Variants in KCNC4 observed in about 807,000 individuals in gnomAD.
KCNC4 encodes potassium voltage-gated channel subfamily C member 4, also known as voltage-gated potassium channel KCNC4.
A neutral mutation model predicts 42.8 loss-of-function variants in KCNC4; 23 were observed. The observed-to-expected ratio is 0.54, with a 90% CI of 0.39 to 0.76. The LOEUF (loss-of-function observed/expected upper bound fraction) is 0.76, where lower values mean the gene tolerates loss of function less well. Among genes scored for constraint, KCNC4 ranks in the 30% least tolerant of loss-of-function variants. The pLI is 0.00. For synonymous variants in KCNC4, 422 were observed against 393.5 expected (o/e 1.07, Z -0.86); for missense variants, 751 against 898.2 (o/e 0.84, Z 2.10).
At chr1:110,253,689 T>C (rs1024566886), downstream of KCNC4, among the ~76,000 whole-genome samples, 1 of 152,176 alleles carries the variant, frequency 6.6e-6, no homozygotes, top group African/African-American at 2.4e-5. Context: ...TTGGAACATG[T>C]TCCAATCAGC....
intron 3 of KCNC4, chr1:110,232,516 C>T: frequency 7.0e-7 from 1 of 1,436,450 alleles, no homozygotes; most frequent in Non-Finnish European, 9.1e-7. Flanking sequence ...GGCTGCAGAG[C>T]TATGGTCCCT....
downstream of KCNC4, chr1:110,237,082 T>C (rs1369888654): frequency 1.3e-5 from 2 of 150,858 alleles, no homozygotes; most frequent in African/African-American, 4.9e-5. Flanking sequence ...CTGAGGAGAG[T>C]GGATTGCTTG....
chr1:110,233,060 T>C lies in KCNC4; in HGVS notation c.*88T>C. ...GGAACCCAGACAAGAATCTTTTCGC[T>C]GGGAAAGACTCAGATATCCTTGTTT... On this transcript the variant is annotated 3_prime_UTR_variant, in exon 4 of 4. Transcript: ENST00000438661. 6.8e-7 allele frequency: 1 copy of C among 1,474,204 alleles called. No homozygotes were observed. Among genetic ancestry groups the C allele is most frequent in the South Asian group, 1.2e-5 (1 of 82,748 alleles). 91.3% of individuals were successfully genotyped at this position (1,474,204 alleles called of 1,614,324 possible). A position where few individuals can be genotyped will look rare whatever the true frequency, so the allele number is the denominator to read the frequency against.
intron 3 of KCNC4, chr1:110,232,367 TGG>T (rs1452202448): frequency 6.3e-7 from 1 of 1,579,648 alleles, no homozygotes; most frequent in African/African-American, 1.4e-5. Flanking sequence ...ACCAGCTCCT[TGG>T]GACAATGGAA....
chr1:110,278,115 C>T (rs1557876863), intron 1 of KCNC4, among the ~76,000 whole-genome samples: 1 of 151,388 alleles, frequency 6.6e-6, no homozygotes, highest in Non-Finnish European at 1.5e-5. Context: ...TCACTACCCT[C>T]CAGCCTGGAT....
intron 1 of KCNC4, among the ~76,000 whole-genome samples, chr1:110,276,124 G>A (rs1659720897): frequency 6.6e-6 from 1 of 151,942 alleles, no homozygotes; most frequent in Non-Finnish European, 1.5e-5. Context: ...AGTGTGGAAT[G>A]ATAGACACTG....
Position 110,233,194 on chromosome 1 carries a change from T to C in KCNC4, c.*222T>C, listed in dbSNP as rs921569818. ...AAGAGATATATATGCACATATAGTA[T>C]CTATATTCATACATATTATACTCTT... On this transcript the variant is annotated 3_prime_UTR_variant, in exon 4 of 4. Transcript: ENST00000438661. 53 of 609,012 alleles carry C rather than the reference T, an allele frequency of 8.7e-5. 1 individual carries two copies. Among genetic ancestry groups the C allele is most frequent in the Non-Finnish European group, 1.7e-5 (6 of 344,810 alleles). The allele number at this position is 609,012 out of a possible 1,614,324, so 37.7% of individuals were successfully genotyped here. A position where few individuals can be genotyped will look rare whatever the true frequency, so the allele number is the denominator to read the frequency against.
chr1:110,265,108 G>A lies in KCNC4; in HGVS notation n.31-17426G>A, dbSNP rs1384444241. On this transcript the variant is annotated intron_variant and non_coding_transcript_variant, in intron 1 of 2. Coordinates refer to the KCNC4 transcript ENST00000412512. ...GAAAAAAAAAAAAAAAAAGGTGGGG[G>A]AGAGTGAAAGAAAATAAAGTACAAA... 5.3e-5 allele frequency among the ~76,000 whole-genome samples: 8 copies of A among 150,624 alleles called. No individual in the cohort carries two copies. The South Asian group carries it at 8.3e-4, about 16-fold the overall frequency.
chr1:110,218,554 T>C (rs1349817553), intron 1 of KCNC4, among the ~76,000 whole-genome samples: 1 of 148,964 alleles, frequency 6.7e-6, no homozygotes, highest in Non-Finnish European at 1.5e-5. Flanking sequence ...TGCTTGTTTA[T>C]TTGTTAAAGT....
At chr1:110,283,907 C>T (rs533424524), downstream of KCNC4, among the ~76,000 whole-genome samples, 7 of 152,310 alleles carry the variant, frequency 4.6e-5, no homozygotes, top group South Asian at 2.1e-4. Flanking sequence ...TTTCAGGGCA[C>T]ATTGGGCTTC....
downstream of KCNC4, among the ~76,000 whole-genome samples, chr1:110,283,742 C>A (rs1441094163): frequency 6.6e-6 from 1 of 152,162 alleles, no homozygotes; most frequent in Non-Finnish European, 1.5e-5. Context: ...TAGAGTGGGT[C>A]TTTTCTATGA....
chr1:110,263,827 G>T (rs115590316), intron 1 of KCNC4, among the ~76,000 whole-genome samples: 6,533 of 151,934 alleles, frequency 0.043, 255 homozygotes, highest in African/African-American at 0.078. Context: ...TCAGTGAGGG[G>T]GGGGAGCTGA....
chr1:110,234,540 A>T (rs993853946), downstream of KCNC4: 8 of 152,194 alleles, frequency 5.3e-5, no homozygotes, highest in Non-Finnish European at 8.8e-5. Flanking sequence ...CCTGGATAGG[A>T]CGGGGAGATG....
chr1:110,225,684 G>A (rs369758189), intron 2 of KCNC4: 22 of 353,060 alleles, frequency 6.2e-5, no homozygotes, highest in African/African-American at 2.6e-4. Flanking sequence ...TGGGGCAGCC[G>A]TCAGCAGGCA....
chr1:110,270,817 C>T lies in KCNC4; in HGVS notation n.31-11717C>T, dbSNP rs114788125. Among the ~76,000 whole-genome samples, 1,067 of 152,302 alleles carry T rather than the reference C, an allele frequency of 7.0e-3. 16 individuals carry two copies. Among genetic ancestry groups the T allele is most frequent in the African/African-American group, 0.024 (1,003 of 41,550 alleles). ...GAGGTCTGAACACAGGATGCCTGGC[C>T]TACCCTCAGTTGCATTGCATTTTTC... On this transcript the variant is annotated intron_variant and non_coding_transcript_variant, in intron 1 of 2. Coordinates refer to the KCNC4 transcript ENST00000412512.
chr1:110,211,790 C>A lies in KCNC4; in HGVS notation c.291C>A (p.Asp97Glu), dbSNP rs138654048. 6.2e-7 allele frequency: 1 copy of A among 1,611,334 alleles called. No homozygotes were observed. The highest frequency in any genetic ancestry group is 1.3e-5 in the African/African-American group (1 of 74,976). The change falls in exon 1 of 4, where the codon GAC becomes GAA. Residue 97 changes from aspartate (D) to glutamate (E), a missense_variant. Asp to Glu is a conservative substitution (Grantham distance 45). This residue lies in a region of KCNC4 where 183 missense variants were observed against 255.8 expected (regional missense o/e 0.72). Coordinates refer to ENST00000438661, the MANE Select transcript of KCNC4 (RefSeq NM_001039574.3). The surrounding 1 kb of genome is among the most constrained non-coding windows in gnomAD (Gnocchi z 6.5). ...GCGGGGGCTGCGAGTTCTTCTTCGA[C>A]AGGCACCCGGGCGTCTTCGCCTACG... The part of the protein sequence containing the change: ...SGGGGCEFFF[D>E]RHPGVFAYVL...
chr1:110,249,247 G>A (rs905633577), downstream of KCNC4: 1 of 152,012 alleles, frequency 6.6e-6, no homozygotes, highest in Admixed American at 6.5e-5. Flanking sequence ...TTTTTTCTGG[G>A]GGCTCTGGAA....
chr1:110,265,376 A>G (rs1659520747), intron 1 of KCNC4, among the ~76,000 whole-genome samples: 1 of 105,378 alleles, frequency 9.5e-6, no homozygotes, highest in Admixed American at 9.3e-5. Flanking sequence ...ATAAAATAAA[A>G]TAAAATAAAA....
chr1:110,213,197 A>AAAAAAAAAAAT (rs869067205), intron 1 of KCNC4, among the ~76,000 whole-genome samples: 2 of 147,162 alleles, frequency 1.4e-5, no homozygotes, highest in African/African-American at 5.0e-5. Context: ...AAAAAAAAAA[A>AAAAAAAAAAAT]TCCCTGAAGG....
Sources: gnomAD v4.1 joint callset for allele counts (sites outside exome capture counted in the v4.1 genomes callset) on GRCh38, gnomAD v4.1.1 for gene constraint, gnomAD v4.1.1 regional missense constraint, Gnocchi (gnomAD v3.1) non-coding constraint, MANE v1.5 for transcripts, NCBI Gene and HGNC (gene_info 2026-07-23, HGNC 2026-07-21) for gene names.